Variants in SLC35F4 observed in about 807,000 individuals in gnomAD.
The protein encoded by SLC35F4 is chromosome 14 open reading frame 36.
Under a neutral mutation model 44.2 loss-of-function variants are expected in SLC35F4, and 24 were observed. The observed-to-expected ratio is 0.54, with a 90% CI of 0.39 to 0.76. The LOEUF is 0.76. Among genes scored for constraint, SLC35F4 ranks in the 30% least tolerant of loss-of-function variants. SLC35F4 has a pLI of 0.00. For synonymous variants in SLC35F4, 238 were observed against 223.6 expected (o/e 1.06, Z -0.57); for missense variants, 562 against 586.1 (o/e 0.96, Z 0.42).
chr14:57,752,485 G>A (rs533413448), intron 1 of SLC35F4, among the ~76,000 whole-genome samples: 195 of 150,396 alleles, frequency 1.3e-3, no homozygotes, highest in African/African-American at 4.5e-3. Flanking sequence ...TTTTTGAGAC[G>A]GAGTCTTGCT....
intron 1 of SLC35F4, among the ~76,000 whole-genome samples, chr14:57,910,061 AT>A (rs1272383381): frequency 6.6e-6 from 1 of 151,880 alleles, no homozygotes; most frequent in Non-Finnish European, 1.5e-5. Flanking sequence ...GATCTTCAAC[AT>A]TTTTTCGTAT....
chr14:57,715,077 C>T (rs987944929), intron 1 of SLC35F4, among the ~76,000 whole-genome samples: 6 of 151,496 alleles, frequency 4.0e-5, no homozygotes, highest in East Asian at 1.9e-4. Flanking sequence ...GAAAGAGAGG[C>T]GAGTAAAGAT....
At chr14:57,964,418 T>A (rs558820178) in intron 1 of SLC35F4, among the ~76,000 whole-genome samples, 1 of 150,792 alleles carries the variant, frequency 6.6e-6, no homozygotes, top group South Asian at 2.1e-4. Context: ...AAAAAAAAAA[T>A]CAAAGCTCTT....
intron 1 of SLC35F4, among the ~76,000 whole-genome samples, chr14:57,900,332 C>A (rs1888973685): frequency 6.6e-6 from 1 of 152,182 alleles, no homozygotes; most frequent in South Asian, 2.1e-4. Flanking sequence ...CTGATTCTGT[C>A]ACAGGCCCAC....
At chr14:57,589,186 C>T (rs2069990759) in intron 3 of SLC35F4, 30 bp downstream of exon 3, 1 of 1,549,458 alleles carries the variant, frequency 6.5e-7, no homozygotes, top group African/African-American at 1.4e-5. Context: ...TTTCAATGAT[C>T]TCTTATTGGG....
intron 1 of SLC35F4, among the ~76,000 whole-genome samples, chr14:57,844,494 T>C (rs1885811619): frequency 6.6e-6 from 1 of 152,208 alleles, no homozygotes; most frequent in Non-Finnish European, 1.5e-5. Context: ...AAAGAAGCAC[T>C]GACAGTAAGA....
At chr14:57,622,833 A>G (rs903447769) in intron 1 of SLC35F4, among the ~76,000 whole-genome samples, 2 of 151,964 alleles carry the variant, frequency 1.3e-5, no homozygotes, top group African/African-American at 4.8e-5. Flanking sequence ...AAAATAAAAA[A>G]TAAAAATAAA....
At chr14:57,849,052 A>T (rs1241696440) in intron 1 of SLC35F4, among the ~76,000 whole-genome samples, 1 of 152,222 alleles carries the variant, frequency 6.6e-6, no homozygotes, top group African/African-American at 2.4e-5. Flanking sequence ...AGTGGTATAT[A>T]ATGCCAGACC....
chr14:57,617,740 T>C (rs2071930463), intron 1 of SLC35F4, among the ~76,000 whole-genome samples: 1 of 152,152 alleles, frequency 6.6e-6, no homozygotes, highest in Non-Finnish European at 1.5e-5. Context: ...TTAACCAGGC[T>C]GGGGGCTCAA....
intron 1 of SLC35F4, among the ~76,000 whole-genome samples, chr14:57,710,966 G>A (rs1022643629): frequency 2.6e-5 from 4 of 152,068 alleles, no homozygotes; most frequent in Non-Finnish European, 5.9e-5. Context: ...GGGACTGTTG[G>A]GAAGGCATGA....
intron 1 of SLC35F4, among the ~76,000 whole-genome samples, chr14:57,937,493 A>G (rs1461292476): frequency 6.6e-6 from 1 of 151,902 alleles, no homozygotes; most frequent in Non-Finnish European, 1.5e-5. Context: ...TCATAATAAT[A>G]GGTTATCATA....
chr14:57,829,593 T>C (rs1424650012), intron 1 of SLC35F4, among the ~76,000 whole-genome samples: 1 of 152,136 alleles, frequency 6.6e-6, no homozygotes, highest in Non-Finnish European at 1.5e-5. Flanking sequence ...TCCTCTGAAG[T>C]ACACAGGAGA....
In SLC35F4 at chr14:57,865,710, C is replaced by T; in HGVS notation, c.103+13G>A. 1.3e-6 allele frequency: 2 copies of T among 1,513,880 alleles called. No homozygotes were observed. The highest frequency in any genetic ancestry group is 1.2e-5 in the South Asian group (1 of 81,102). The allele number at this position is 1,513,880 out of a possible 1,614,324, so 93.8% of individuals were successfully genotyped here. A position where few individuals can be genotyped will look rare whatever the true frequency, so the allele number is the denominator to read the frequency against. ...TTCCCCGCCTCGCGCAGGGCAGCCGCGCGGCGTCTTACTTTTCTGGCTGGA... is the reference window on the plus strand; with the variant it reads ...TTCCCCGCCTCGCGCAGGGCAGCCGTGCGGCGTCTTACTTTTCTGGCTGGA... On this transcript the variant is annotated intron_variant, in intron 1 of 7. Transcript: ENST00000556826.
chr14:57,790,048 G>A (rs780627451), intron 1 of SLC35F4, among the ~76,000 whole-genome samples: 51 of 152,252 alleles, frequency 3.3e-4, no homozygotes, highest in Non-Finnish European at 5.4e-4. Flanking sequence ...ATACTGAATG[G>A]GCAAAAACTG....
At chr14:57,922,773 T>C (rs781711076) in intron 1 of SLC35F4, among the ~76,000 whole-genome samples, 10 of 152,254 alleles carry the variant, frequency 6.6e-5, no homozygotes, top group Non-Finnish European at 1.5e-4. Context: ...GAAGTGTCTC[T>C]GGACTTTGAT....
chr14:57,905,626 C>T (rs944476295), intron 1 of SLC35F4, among the ~76,000 whole-genome samples: 6 of 152,184 alleles, frequency 3.9e-5, no homozygotes, highest in Non-Finnish European at 1.5e-5. Flanking sequence ...GTACTTTTAG[C>T]TGGTGGTGTG....
chr14:57,690,616 C>T (rs751052287), intron 1 of SLC35F4, among the ~76,000 whole-genome samples: 5 of 152,020 alleles, frequency 3.3e-5, no homozygotes, highest in African/African-American at 4.8e-5. Context: ...GCTTATTACA[C>T]TGTAATATAC....
chr14:57,729,429 C>T (rs1055200821), intron 1 of SLC35F4, among the ~76,000 whole-genome samples: 2 of 152,186 alleles, frequency 1.3e-5, no homozygotes, highest in Non-Finnish European at 2.9e-5. Context: ...TATTCAGGAA[C>T]CAAGGGCTCT....
At chr14:57,904,688 C>T (rs1018840891) in intron 1 of SLC35F4, among the ~76,000 whole-genome samples, 1 of 152,214 alleles carries the variant, frequency 6.6e-6, no homozygotes, top group South Asian at 2.1e-4. Flanking sequence ...CAATCCACAG[C>T]CCCGCTAGGT....
Sources: allele counts gnomAD v4.1 joint callset (sites outside exome capture counted in the v4.1 genomes callset), GRCh38; gene constraint gnomAD v4.1.1; transcripts MANE v1.5; gene names NCBI Gene and HGNC (gene_info 2026-07-23, HGNC 2026-07-21).